CSMD1: variants seen among roughly 807,000 people sequenced by gnomAD.
The protein encoded by CSMD1 is CUB and Sushi multiple domains 1, also known as CUB and sushi domain-containing protein 1.
A neutral mutation model predicts 417.5 loss-of-function variants in CSMD1; 213 were observed. The observed-to-expected ratio is 0.51, with a 90% CI of 0.46 to 0.57. CSMD1 has a LOEUF of 0.57. CSMD1 is among the 20% of genes least tolerant of loss of function. The probability of loss-of-function intolerance (pLI) is 0.00; values close to 1 mark genes in which losing one functional copy is unlikely to be tolerated. For missense variants in CSMD1, 6,923 were observed against 4,529.7 expected, an observed-to-expected ratio of 1.53 and a Z score of -15.17; for synonymous variants, 2,862 against 1,736.8, an observed-to-expected ratio of 1.65 and a Z score of -16.11.
intron 5 of CSMD1, among the ~76,000 whole-genome samples, chr8:3,975,365 G>A (rs149045656): frequency 1.3e-5 from 2 of 152,090 alleles, no homozygotes; most frequent in African/African-American, 4.8e-5. Context: ...ATAATGTTAT[G>A]TTTCTTTTTA....
intron 3 of CSMD1, among the ~76,000 whole-genome samples, chr8:4,276,310 T>A (rs961000818): frequency 8.5e-5 from 13 of 152,182 alleles, no homozygotes; most frequent in Admixed American, 3.3e-4. Flanking sequence ...AAGGATCAGT[T>A]AATGTCCTTT....
At chr8:4,894,431 C>T (rs1210066576) in intron 1 of CSMD1, among the ~76,000 whole-genome samples, 1 of 151,380 alleles carries the variant, frequency 6.6e-6, no homozygotes, top group Non-Finnish European at 1.5e-5. Context: ...ATGTATTTTG[C>T]TTTAAGAGCT....
At chr8:3,428,860 A>C (rs2117011295) in intron 12 of CSMD1, among the ~76,000 whole-genome samples, 1 of 152,340 alleles carries the variant, frequency 6.6e-6, no homozygotes, top group East Asian at 1.9e-4. Context: ...TTGGTCATAA[A>C]AAAGAAAGAA....
At chr8:3,479,087 G>C (rs766169257) in intron 11 of CSMD1, among the ~76,000 whole-genome samples, 2 of 151,960 alleles carry the variant, frequency 1.3e-5, no homozygotes, top group East Asian at 1.9e-4. Context: ...AAGCAGTGGA[G>C]ACTCCTTGGG....
intron 3 of CSMD1, among the ~76,000 whole-genome samples, chr8:4,350,855 G>C (rs117904648): frequency 6.6e-6 from 1 of 152,182 alleles, no homozygotes; most frequent in Non-Finnish European, 1.5e-5. Flanking sequence ...CTATCTGCCA[G>C]TGGCTCTAGT....
rs1179291985 is a variant in CSMD1, at chr8:4,151,894, G to A, written c.416-119795C>T. 3.3e-5 allele frequency among the ~76,000 whole-genome samples: 5 copies of A among 152,216 alleles called. No homozygotes were observed. The South Asian group carries it at 8.3e-4, about 25-fold the overall frequency. ...GCAGGCACACATTAAATATTAGAGG[G>A]CAGAGAAGTCCATTTGTCTATCAGC... On this transcript the variant is annotated intron_variant, in intron 3 of 69. Transcript: ENST00000635120.
intron 20 of CSMD1, among the ~76,000 whole-genome samples, chr8:3,361,712 T>A (rs1185158166): frequency 6.7e-6 from 1 of 150,338 alleles, no homozygotes; most frequent in African/African-American, 2.4e-5. Context: ...AATATTTTGA[T>A]ATTATTATGT....
chr8:3,751,455 A>C (rs1180618925), intron 6 of CSMD1, among the ~76,000 whole-genome samples: 1 of 148,352 alleles, frequency 6.7e-6, no homozygotes, highest in Non-Finnish European at 1.5e-5. Flanking sequence ...ATAAATGTTT[A>C]TACTTAAATA....
intron 7 of CSMD1, among the ~76,000 whole-genome samples, chr8:3,680,445 G>C (rs373311663): frequency 6.6e-6 from 1 of 152,138 alleles, no homozygotes; most frequent in Non-Finnish European, 1.5e-5. Flanking sequence ...ACAAGAAACA[G>C]AGAAATTCCT....
intron 37 of CSMD1, among the ~76,000 whole-genome samples, chr8:3,164,510 T>C (rs574515590): frequency 2.0e-5 from 3 of 152,366 alleles, no homozygotes; most frequent in East Asian, 3.9e-4. Flanking sequence ...GTTTTAACTT[T>C]AGAACATAGA....
intron 2 of CSMD1, among the ~76,000 whole-genome samples, chr8:4,499,657 T>A (rs1385633773): frequency 6.6e-6 from 1 of 152,266 alleles, no homozygotes; most frequent in African/African-American, 2.4e-5. Context: ...CGAGTAGGTA[T>A]GTTATAAATA....
intron 5 of CSMD1, among the ~76,000 whole-genome samples, chr8:3,816,180 C>G (rs1190156148): frequency 6.6e-6 from 1 of 152,190 alleles, no homozygotes; most frequent in Non-Finnish European, 1.5e-5. Flanking sequence ...TCCCTCTGTG[C>G]TCTCTGCATC....
At chr8:3,378,620 T>C (rs1441448762) in intron 18 of CSMD1, among the ~76,000 whole-genome samples, 4 of 152,062 alleles carry the variant, frequency 2.6e-5, no homozygotes, top group African/African-American at 7.2e-5. Context: ...ACGTAATCCA[T>C]CACTTAAACA....
intron 3 of CSMD1, among the ~76,000 whole-genome samples, chr8:4,056,841 C>T (rs1336320261): frequency 6.6e-6 from 1 of 152,140 alleles, no homozygotes; most frequent in African/African-American, 2.4e-5. Context: ...CAATTTCATC[C>T]ATGTCCCTAC....
chr8:3,979,708 A>C (rs936633848), intron 5 of CSMD1, among the ~76,000 whole-genome samples: 2 of 152,230 alleles, frequency 1.3e-5, no homozygotes, highest in Admixed American at 6.5e-5. Flanking sequence ...CGTACCCAGA[A>C]CTGAATAAGC....
At chr8:4,088,138 A>C (rs1451639301) in intron 3 of CSMD1, among the ~76,000 whole-genome samples, 1 of 152,224 alleles carries the variant, frequency 6.6e-6, no homozygotes, top group Non-Finnish European at 1.5e-5. Flanking sequence ...TGAGGAGGAC[A>C]CTGCCCATTC....
chr8:3,998,022 G>C lies in CSMD1; in HGVS notation c.699C>G (p.Asp233Glu), dbSNP rs772576183. The change falls in exon 5 of 70, where the codon GAC (aspartate) becomes GAG (glutamate). Residue 233 changes from aspartate to glutamate, a missense_variant. Physicochemically the swap from Asp to Glu is conservative, Grantham distance 45 (BLOSUM62 2). Coordinates refer to ENST00000635120, the MANE Select transcript of CSMD1 (RefSeq NM_033225.6). Reference sequence around the variant, plus strand: ...GCTCAGCCAGAATGGTCCAGGTGCAGTCCGCGTTGTTCTCGTACTCTGAAG... The same window carrying C: ...GCTCAGCCAGAATGGTCCAGGTGCACTCCGCGTTGTTCTCGTACTCTGAAG... ...HFPSEYENNADCTWTILAEPG... is the reference protein window; with the variant it reads ...HFPSEYENNAECTWTILAEPG... 18 of 1,606,826 alleles carry C rather than the reference G, an allele frequency of 1.1e-5. No individual in the cohort carries two copies. Among genetic ancestry groups the C allele is most frequent in the Non-Finnish European group, 1.4e-5 (17 of 1,176,392 alleles).
chr8:4,143,799 C>G (rs1280933964), intron 3 of CSMD1, among the ~76,000 whole-genome samples: 1 of 151,256 alleles, frequency 6.6e-6, no homozygotes, highest in Non-Finnish European at 1.5e-5. Context: ...CCCAAGCAAG[C>G]TGTTCCAGGG....
chr8:3,764,739 CTTTTTTTTT>C (rs66603480), intron 5 of CSMD1, among the ~76,000 whole-genome samples: 5 of 129,772 alleles, frequency 3.9e-5, no homozygotes, highest in African/African-American at 1.4e-4. Flanking sequence ...TTTTCTCTTT[CTTTTTTTTT>C]TTTTTTTTTT....
Sources: gnomAD v4.1 joint callset for allele counts (sites outside exome capture counted in the v4.1 genomes callset) on GRCh38, gnomAD v4.1.1 for gene constraint, MANE v1.5 for transcripts, NCBI Gene and HGNC (gene_info 2026-07-23, HGNC 2026-07-21) for gene names.